Variants in COL4A1 observed in about 807,000 individuals in gnomAD.
COL4A1 encodes the protein collagen type IV alpha 1 chain.
A neutral mutation model predicts 216.6 loss-of-function variants in COL4A1; 40 were observed. The observed-to-expected ratio is 0.18, with a 90% CI of 0.14 to 0.24. The LOEUF (loss-of-function observed/expected upper bound fraction) is 0.24, where lower values mean the gene tolerates loss of function less well. COL4A1 is among the 10% of genes least tolerant of loss of function. COL4A1 has a pLI of 1.00. For synonymous variants in COL4A1, 839 were observed against 810.7 expected (o/e 1.03, Z -0.59); for missense variants, 1,628 against 2,196.8 (o/e 0.74, Z 5.18).
intron 26 of COL4A1, 84 bp downstream of exon 26, chr13:110,186,301 C>A: frequency 6.4e-7 from 1 of 1,570,534 alleles, no homozygotes. Flanking sequence ...CTATGCGAAC[C>A]CCAGGCCTCT....
chr13:110,205,928 T>G (rs780555395), intron 15 of COL4A1, among the ~76,000 whole-genome samples: 22 of 152,050 alleles, frequency 1.4e-4, no homozygotes, highest in African/African-American at 4.6e-4. Flanking sequence ...TCAGATAGCT[T>G]AATATGTTGT....
intron 2 of COL4A1, among the ~76,000 whole-genome samples, chr13:110,232,480 G>A (rs1167787631): frequency 1.3e-5 from 2 of 152,178 alleles, no homozygotes; most frequent in African/African-American, 4.8e-5. Context: ...CAAACAGGAG[G>A]AAAATCCCAT....
At chr13:110,184,075 A>G (rs566834717) in intron 26 of COL4A1, among the ~76,000 whole-genome samples, 26 of 152,308 alleles carry the variant, frequency 1.7e-4, no homozygotes, top group Admixed American at 1.2e-3. Context: ...GGTGACACAC[A>G]CCCTGGGCAC....
intron 24 of COL4A1, among the ~76,000 whole-genome samples, chr13:110,189,603 C>A (rs1878545583): frequency 6.6e-6 from 1 of 152,178 alleles, no homozygotes; most frequent in Non-Finnish European, 1.5e-5. Context: ...CAAATTATTT[C>A]TATGAGCCAC....
intron 1 of COL4A1, among the ~76,000 whole-genome samples, chr13:110,292,678 C>T (rs1884133231): frequency 6.6e-6 from 1 of 152,178 alleles, no homozygotes; most frequent in Non-Finnish European, 1.5e-5. Flanking sequence ...CATCAAATCT[C>T]ATGAGAACTC....
chr13:110,185,969 C>T (rs1878382554), intron 26 of COL4A1, among the ~76,000 whole-genome samples: 1 of 152,208 alleles, frequency 6.6e-6, no homozygotes, highest in South Asian at 2.1e-4. Context: ...CCTCTAAATC[C>T]ATTCACAGGC....
chr13:110,217,068 T>G (rs1880122281), intron 2 of COL4A1, among the ~76,000 whole-genome samples: 1 of 152,216 alleles, frequency 6.6e-6, no homozygotes, highest in South Asian at 2.1e-4. Context: ...CCCACATATT[T>G]TTTTAACGTT....
At position 110,149,658 on chromosome 13, in the gene COL4A1, A is replaced by C. The variant is rs1004641903; in HGVS notation, c.*705T>G. Reference sequence around the variant, plus strand: ...AAAACTATGTAAGCTTTATTTTAACAGTGGAAGTTAAACTAAACCTTGATC... The same window carrying C: ...AAAACTATGTAAGCTTTATTTTAACCGTGGAAGTTAAACTAAACCTTGATC... On this transcript the variant is annotated 3_prime_UTR_variant, in exon 52 of 52. Transcript: ENST00000375820. 1 of 152,580 alleles carries C rather than the reference A, an allele frequency of 6.6e-6. No individual in the cohort carries two copies. The highest frequency in any genetic ancestry group is 2.4e-5 in the African/African-American group (1 of 41,464). The allele number at this position is 152,580 out of a possible 1,614,324, so 9.5% of individuals were successfully genotyped here.
At chr13:110,155,470 T>C in intron 49 of COL4A1, 73 bp from the exon 50 acceptor site, 1 of 914,664 alleles carries the variant, frequency 1.1e-6, no homozygotes, top group African/African-American at 1.6e-5. Flanking sequence ...ACTGCCCCGT[T>C]ACCTACACTC....
intron 2 of COL4A1, among the ~76,000 whole-genome samples, chr13:110,228,910 G>A (rs1435101823): frequency 6.6e-6 from 1 of 152,208 alleles, no homozygotes; most frequent in African/African-American, 2.4e-5. Context: ...AGACAGTGAG[G>A]AAAATGTAAC....
intron 21 of COL4A1, among the ~76,000 whole-genome samples, chr13:110,198,078 GGTGTGTGTGTGT>G (rs35751015): frequency 5.6e-5 from 8 of 141,842 alleles, no homozygotes; most frequent in Non-Finnish European, 9.1e-5. Flanking sequence ...TTGTTTCTGG[GGTGTGTGTGTGT>G]GTGTGTGTGT....
chr13:110,183,159 C>A, intron 27 of COL4A1, 25 bp downstream of exon 27: 1 of 1,613,270 alleles, frequency 6.2e-7, no homozygotes, highest in East Asian at 2.2e-5. Context: ...CGTGGTATCC[C>A]GGTGAGCTGG....
At chr13:110,304,735 A>G (rs1241806813) in intron 1 of COL4A1, among the ~76,000 whole-genome samples, 1 of 152,258 alleles carries the variant, frequency 6.6e-6, no homozygotes, top group Non-Finnish European at 1.5e-5. Context: ...AGCAAATACA[A>G]AATTAAACAG....
At chr13:110,224,390 T>C (rs576186876) in intron 2 of COL4A1, among the ~76,000 whole-genome samples, 1 of 152,358 alleles carries the variant, frequency 6.6e-6, no homozygotes, top group East Asian at 1.9e-4. Flanking sequence ...TGGCATGATC[T>C]TGGCTCACTG....
intron 1 of COL4A1, among the ~76,000 whole-genome samples, chr13:110,266,365 A>T (rs376111824): frequency 2.0e-5 from 3 of 152,094 alleles, no homozygotes; most frequent in African/African-American, 7.2e-5. Context: ...AGTAGTTCCA[A>T]CTCTGTCGCC....
chr13:110,196,495 G>A (rs1007119142), intron 21 of COL4A1, among the ~76,000 whole-genome samples: 1 of 152,046 alleles, frequency 6.6e-6, no homozygotes, highest in Non-Finnish European at 1.5e-5. Context: ...CAAGAATATT[G>A]AGAGACATGT....
intron 2 of COL4A1, among the ~76,000 whole-genome samples, chr13:110,223,438 C>T (rs1011116396): frequency 1.3e-5 from 2 of 152,182 alleles, no homozygotes; most frequent in Admixed American, 6.5e-5. Context: ...ACATTCTCTC[C>T]TTTGCTTAAC....
Position 110,164,851 on chromosome 13 carries a change from A to G in COL4A1, c.4150+11T>C. On this transcript the variant is annotated intron_variant, in intron 46 of 51. Transcript: ENST00000375820. ...TCCCCATACCGCCCTGCACAGGCCA[A>G]GCCTTCTCACCTTGCTGGCCTTTCG... is the stretch of plus-strand genomic sequence containing the variant. The G allele has an allele frequency of 6.2e-7, 1 of 1,613,102 alleles. No homozygotes were observed. Among genetic ancestry groups the G allele is most frequent in the Non-Finnish European group, 8.5e-7 (1 of 1,179,610 alleles).
At chr13:110,169,306 A>G (rs1245434617) in intron 43 of COL4A1, among the ~76,000 whole-genome samples, 4 of 152,134 alleles carry the variant, frequency 2.6e-5, no homozygotes, top group Non-Finnish European at 5.9e-5. Flanking sequence ...TTTTACATTG[A>G]GTTTGTAAAT....
Sources: allele counts gnomAD v4.1 joint callset (sites outside exome capture counted in the v4.1 genomes callset), GRCh38; gene constraint gnomAD v4.1.1; transcripts MANE v1.5; gene names NCBI Gene and HGNC (gene_info 2026-07-23, HGNC 2026-07-21).